Variants in SKP2 observed in about 807,000 individuals in gnomAD.
SKP2 encodes the protein S-phase kinase associated protein 2.
Under a neutral mutation model 51.8 loss-of-function variants are expected in SKP2, and 16 were observed. The ratio of observed to expected loss-of-function variants is 0.31; its 90% CI spans 0.21 to 0.47. SKP2 has a LOEUF of 0.47. Among genes scored for constraint, SKP2 ranks in the 20% least tolerant of loss-of-function variants. The probability of loss-of-function intolerance (pLI) is 1.00; values close to 1 mark genes in which losing one functional copy is unlikely to be tolerated. For missense variants in SKP2, 377 were observed against 505.3 expected, an observed-to-expected ratio of 0.75 and a Z score of 2.43; for synonymous variants, 176 against 198.6, an observed-to-expected ratio of 0.89 and a Z score of 0.96.
chr5:36,187,749 G>T (rs1470919284), downstream of SKP2, among the ~76,000 whole-genome samples: 1 of 152,182 alleles, frequency 6.6e-6, no homozygotes. Context: ...TGTCTATTAG[G>T]TCCAGTTGGT....
chr5:36,170,625 T>C (rs984217235), intron 6 of SKP2, among the ~76,000 whole-genome samples, 183 bp downstream of exon 6: 1 of 152,212 alleles, frequency 6.6e-6, no homozygotes, highest in Non-Finnish European at 1.5e-5. Flanking sequence ...GTCAATTGAG[T>C]TTGCAAGTGA....
intron 2 of SKP2, among the ~76,000 whole-genome samples, chr5:36,159,621 C>T (rs1745062708): frequency 6.6e-6 from 1 of 152,208 alleles, no homozygotes; most frequent in African/African-American, 2.4e-5. Context: ...CACTCGTGCC[C>T]TTGGTTGAGA....
downstream of SKP2, among the ~76,000 whole-genome samples, chr5:36,188,385 G>T (rs1457823715): frequency 6.6e-6 from 1 of 152,228 alleles, no homozygotes; most frequent in African/African-American, 2.4e-5. Flanking sequence ...TCCTTTCCAT[G>T]TTTAGTGCTT....
At chr5:36,186,159 C>T (rs1192399269), downstream of SKP2, among the ~76,000 whole-genome samples, 14 of 152,268 alleles carry the variant, frequency 9.2e-5, no homozygotes, top group East Asian at 3.9e-4. Flanking sequence ...TTGGCTGAGA[C>T]GATGGGGTTT....
intron 5 of SKP2, among the ~76,000 whole-genome samples, chr5:36,169,312 G>A (rs1745393769): frequency 6.6e-6 from 1 of 152,126 alleles, no homozygotes. Context: ...GGGTGTGGTG[G>A]CAGGCACCTG....
intron 6 of SKP2, among the ~76,000 whole-genome samples, chr5:36,190,683 CAAAAAAAAAA>C (rs70973094): frequency 2.5e-4 from 20 of 81,186 alleles, no homozygotes; most frequent in African/African-American, 8.5e-4. Flanking sequence ...CAAACATATG[CAAAAAAAAAA>C]AAAAAAAAAA....
At chr5:36,157,064 T>C (rs1744974128) in intron 2 of SKP2, among the ~76,000 whole-genome samples, 1 of 152,214 alleles carries the variant, frequency 6.6e-6, no homozygotes, top group Non-Finnish European at 1.5e-5. Context: ...TATGTACATA[T>C]ATGCTAGTCA....
rs955868348 is a variant in SKP2, at chr5:36,182,116, A to T, written c.*85A>T. On this transcript the variant is annotated 3_prime_UTR_variant, in exon 10 of 10. Coordinates refer to ENST00000274255, the MANE Select transcript of SKP2 (RefSeq NM_005983.4). ...ATTGCTGGAGTACTTAGCTAGTTTT[A>T]TTCTTGGTTTTCCCTTTGCCTTCAT... is the stretch of plus-strand genomic sequence containing the variant. 6 of 1,524,772 alleles carry T rather than the reference A, an allele frequency of 3.9e-6. No individual in the cohort carries two copies. In the African/African-American group the frequency reaches 8.3e-5, roughly 21 times the overall value. 94.5% of individuals were successfully genotyped at this position (1,524,772 alleles called of 1,614,324 possible). A position where few individuals can be genotyped will look rare whatever the true frequency, so the allele number is the denominator to read the frequency against.
At chr5:36,158,507 G>A (rs1745022330) in intron 2 of SKP2, among the ~76,000 whole-genome samples, 2 of 152,172 alleles carry the variant, frequency 1.3e-5, no homozygotes, top group South Asian at 4.1e-4. Flanking sequence ...TGGGTACTTG[G>A]CTGCTAGCTG....
At chr5:36,189,343 A>G (rs535112134) in intron 6 of SKP2, among the ~76,000 whole-genome samples, 1 of 151,814 alleles carries the variant, frequency 6.6e-6, no homozygotes, top group South Asian at 2.1e-4. Context: ...TTTTTTCCCT[A>G]TCTTTGTGGT....
rs546495378 is a variant in SKP2, at chr5:36,184,207, A to G, written c.*2176A>G. 84 of 365,114 alleles carry G rather than the reference A, an allele frequency of 2.3e-4. No homozygotes were observed. Among genetic ancestry groups the G allele is most frequent in the African/African-American group, 1.5e-3 (71 of 47,616 alleles). 22.6% of individuals were successfully genotyped at this position (365,114 alleles called of 1,614,324 possible). A position where few individuals can be genotyped will look rare whatever the true frequency, so the allele number is the denominator to read the frequency against. On this transcript the variant is annotated 3_prime_UTR_variant, in exon 10 of 10. Transcript: ENST00000274255. Reference sequence around the variant, plus strand: ...CCCATCTACTTCATATGCTTGTCACATTAAAAAAAAAAGTTTATAATGCCT... The same window carrying G: ...CCCATCTACTTCATATGCTTGTCACGTTAAAAAAAAAAGTTTATAATGCCT...
intron 7 of SKP2, chr5:36,193,523 G>T (rs1019808267): frequency 1.3e-5 from 2 of 149,174 alleles, no homozygotes; most frequent in African/African-American, 4.9e-5. Flanking sequence ...GTTAGGGGAG[G>T]TTCTATAGTA....
chr5:36,153,882 A>G (rs924041561), intron 2 of SKP2, among the ~76,000 whole-genome samples: 11 of 152,172 alleles, frequency 7.2e-5, no homozygotes, highest in African/African-American at 2.7e-4. Context: ...CAAAAGCCAT[A>G]GGATAAACAG....
At chr5:36,170,753 G>GT (rs1745445535) in intron 6 of SKP2, among the ~76,000 whole-genome samples, 1 of 152,114 alleles carries the variant, frequency 6.6e-6, no homozygotes, top group South Asian at 2.1e-4. Context: ...GTACATTCAG[G>GT]TTTTTTCCCC....
intron 3 of SKP2, among the ~76,000 whole-genome samples, chr5:36,164,363 A>G (rs535920611): frequency 6.6e-6 from 1 of 152,282 alleles, no homozygotes; most frequent in Non-Finnish European, 1.5e-5. Context: ...TTTTGGCAAC[A>G]CTTTTCAAGT....
chr5:36,170,699 GTCTA>G (rs143039714), intron 6 of SKP2, among the ~76,000 whole-genome samples: 7,432 of 152,200 alleles, frequency 0.049, 650 homozygotes, highest in African/African-American at 0.17. Flanking sequence ...GTGTAGTAGT[GTCTA>G]TCAACAGTAT....
At chr5:36,174,903 A>AATGT (rs1745583846) in intron 7 of SKP2, among the ~76,000 whole-genome samples, 3 of 152,156 alleles carry the variant, frequency 2.0e-5, no homozygotes, top group African/African-American at 4.8e-5. Flanking sequence ...CAGGGAGAAC[A>AATGT]GTGAGAGGAG....
intron 7 of SKP2, among the ~76,000 whole-genome samples, chr5:36,174,636 T>C (rs1745574590): frequency 6.6e-6 from 1 of 152,096 alleles, no homozygotes; most frequent in Non-Finnish European, 1.5e-5. Flanking sequence ...AGTGAACATA[T>C]TTCATAAATG....
chr5:36,185,719 T>C (rs1745947464), downstream of SKP2, among the ~76,000 whole-genome samples: 1 of 152,230 alleles, frequency 6.6e-6, no homozygotes, highest in Non-Finnish European at 1.5e-5. Flanking sequence ...TTGCTTAGGA[T>C]TGTCTTGGCA....
Sources: allele counts gnomAD v4.1 joint callset (sites outside exome capture counted in the v4.1 genomes callset), GRCh38; gene constraint gnomAD v4.1.1; transcripts MANE v1.5; gene names NCBI Gene and HGNC (gene_info 2026-07-23, HGNC 2026-07-21).